GALNTL6: variants seen among roughly 807,000 people sequenced by gnomAD.
GALNTL6 encodes the protein polypeptide N-acetylgalactosaminyltransferase like 6.
GALNTL6 carries 46 observed loss-of-function variants against 73.7 expected under a neutral mutation model. That is an observed-to-expected ratio of 0.62 (90% CI 0.49 to 0.80). GALNTL6 has a LOEUF of 0.80. Among genes scored for constraint, GALNTL6 ranks in the 30% least tolerant of loss-of-function variants. The pLI is 0.00. For synonymous variants in GALNTL6, 259 were observed against 263.7 expected, an observed-to-expected ratio of 0.98 and a Z score of 0.17; for missense variants, 604 against 755.0, an observed-to-expected ratio of 0.80 and a Z score of 2.34.
intron 5 of GALNTL6, among the ~76,000 whole-genome samples, chr4:172,463,320 C>T (rs1174555402): frequency 1.3e-5 from 2 of 149,266 alleles, no homozygotes; most frequent in African/African-American, 2.5e-5. Context: ...TCAACATTCT[C>T]AGAAAATGAG....
chr4:172,398,035 T>C (rs551066399), intron 5 of GALNTL6, among the ~76,000 whole-genome samples: 2 of 152,300 alleles, frequency 1.3e-5, no homozygotes, highest in South Asian at 4.1e-4. Context: ...ATGCCAACCA[T>C]CAGGCAATTG....
intron 2 of GALNTL6, among the ~76,000 whole-genome samples, chr4:171,995,567 A>T (rs1161296993): frequency 6.6e-6 from 1 of 152,086 alleles, no homozygotes; most frequent in Non-Finnish European, 1.5e-5. Flanking sequence ...AAACCAGTGA[A>T]AAAAGAGTAT....
chr4:172,434,251 A>G (rs1289807761), intron 5 of GALNTL6, among the ~76,000 whole-genome samples: 1 of 152,066 alleles, frequency 6.6e-6, no homozygotes, highest in African/African-American at 2.4e-5. Flanking sequence ...TACAAGACAT[A>G]TTTGGATATT....
chr4:172,069,462 A>G lies in GALNTL6; in HGVS notation c.139-160194A>G, dbSNP rs567960192. ...CATATATATGTAATATATAACACAC[A>G]TATAACATATATGTTATATATAACA... On this transcript the variant is annotated intron_variant, in intron 2 of 12. Coordinates refer to ENST00000506823, the MANE Select transcript of GALNTL6 (RefSeq NM_001034845.3). Among the ~76,000 whole-genome samples the G allele has an allele frequency of 7.6e-4, 47 of 62,104 alleles. 18 individuals carry two copies. Among genetic ancestry groups the G allele is most frequent in the Non-Finnish European group, 1.7e-3 (45 of 26,912 alleles). 40.7% of individuals were successfully genotyped at this position (62,104 alleles called of 152,430 possible). A position where few individuals can be genotyped will look rare whatever the true frequency, so the allele number is the denominator to read the frequency against.
intron 2 of GALNTL6, among the ~76,000 whole-genome samples, chr4:172,098,176 C>A (rs1007479696): frequency 2.6e-5 from 4 of 151,952 alleles, no homozygotes; most frequent in African/African-American, 4.8e-5. Context: ...ATGTCTCTCT[C>A]TATATATAAG....
chr4:172,477,962 T>C (rs865980923), intron 5 of GALNTL6, among the ~76,000 whole-genome samples: 18 of 152,182 alleles, frequency 1.2e-4, no homozygotes, highest in African/African-American at 4.3e-4. Context: ...TTGTTCTGGC[T>C]TTAGATATCA....
intron 2 of GALNTL6, among the ~76,000 whole-genome samples, chr4:172,000,778 A>G (rs141699964): frequency 7.2e-5 from 11 of 152,268 alleles, no homozygotes; most frequent in Admixed American, 4.6e-4. Flanking sequence ...GATCCAGACT[A>G]TTGGAGGAGC....
chr4:172,313,953 G>C (rs1578945287), intron 4 of GALNTL6, among the ~76,000 whole-genome samples: 2 of 152,322 alleles, frequency 1.3e-5, no homozygotes, highest in South Asian at 4.1e-4. Context: ...TGTCACCTCT[G>C]ATTTTGCCAT....
intron 3 of GALNTL6, among the ~76,000 whole-genome samples, chr4:172,308,324 C>T (rs1449269723): frequency 6.6e-6 from 1 of 151,796 alleles, no homozygotes; most frequent in East Asian, 2.0e-4. Flanking sequence ...TTATTTCTTT[C>T]TGTTGTCTGA....
chr4:172,945,000 G>A (rs1383906997), intron 9 of GALNTL6, among the ~76,000 whole-genome samples: 1 of 150,816 alleles, frequency 6.6e-6, no homozygotes, highest in African/African-American at 2.4e-5. Context: ...GGAGGTTGCA[G>A]TGAGCCAAGA....
At chr4:172,251,410 C>T (rs890014044) in intron 3 of GALNTL6, among the ~76,000 whole-genome samples, 2 of 152,068 alleles carry the variant, frequency 1.3e-5, no homozygotes, top group Admixed American at 6.6e-5. Flanking sequence ...TTTTAGCACT[C>T]GGGTTCAGCC....
chr4:172,044,614 C>A (rs1468752868), intron 2 of GALNTL6, among the ~76,000 whole-genome samples: 1 of 151,840 alleles, frequency 6.6e-6, no homozygotes, highest in Non-Finnish European at 1.5e-5. Flanking sequence ...CTAATATATG[C>A]CTGTAAATGC....
chr4:172,890,135 TTCTC>T (rs1745951134), intron 8 of GALNTL6, among the ~76,000 whole-genome samples: 2 of 152,286 alleles, frequency 1.3e-5, no homozygotes, highest in East Asian at 3.9e-4. Flanking sequence ...TACTTGGATC[TTCTC>T]TCTTTTTTTC....
chr4:173,036,776 C>T (rs1035539349), intron 12 of GALNTL6, among the ~76,000 whole-genome samples: 13 of 152,120 alleles, frequency 8.5e-5, no homozygotes, highest in Admixed American at 4.6e-4. Context: ...CATCTTCTAT[C>T]GTCCTTTAGG....
chr4:172,869,460 T>G (rs972774445), intron 7 of GALNTL6, among the ~76,000 whole-genome samples: 1 of 152,170 alleles, frequency 6.6e-6, no homozygotes, highest in African/African-American at 2.4e-5. Flanking sequence ...AAGAAGGGCA[T>G]GACCTGATTC....
intron 5 of GALNTL6, among the ~76,000 whole-genome samples, chr4:172,452,480 C>T (rs964705742): frequency 6.6e-6 from 1 of 152,050 alleles, no homozygotes. Context: ...GATGTAAAGT[C>T]TGTACTATAT....
intron 2 of GALNTL6, among the ~76,000 whole-genome samples, chr4:172,004,103 C>A (rs1327324723): frequency 6.6e-6 from 1 of 152,116 alleles, no homozygotes; most frequent in Non-Finnish European, 1.5e-5. Context: ...AAGTGGACAA[C>A]TTTCAAGCTC....
chr4:172,673,749 T>A (rs1191556667), intron 5 of GALNTL6, among the ~76,000 whole-genome samples: 1 of 152,232 alleles, frequency 6.6e-6, no homozygotes, highest in Non-Finnish European at 1.5e-5. Context: ...CTTCTTTGAC[T>A]GTTTTGGTTT....
chr4:172,293,348 A>T lies in GALNTL6; in HGVS notation c.248-18266A>T, dbSNP rs145818800. Among the ~76,000 whole-genome samples, 3 of 152,272 alleles carry T rather than the reference A, an allele frequency of 2.0e-5. No individual in the cohort carries two copies. The East Asian group carries it at 5.8e-4, about 29-fold the overall frequency. On this transcript the variant is annotated intron_variant, in intron 3 of 12. Coordinates refer to ENST00000506823, the MANE Select transcript of GALNTL6 (RefSeq NM_001034845.3). ...TACATAATAAATGGCATATGTTCTTATAAGGCATTTGTGGTCACTCATGAT... is the reference window on the plus strand; with the variant it reads ...TACATAATAAATGGCATATGTTCTTTTAAGGCATTTGTGGTCACTCATGAT...
Sources: allele counts gnomAD v4.1 joint callset (sites outside exome capture counted in the v4.1 genomes callset), GRCh38; gene constraint gnomAD v4.1.1; transcripts MANE v1.5; gene names NCBI Gene and HGNC (gene_info 2026-07-23, HGNC 2026-07-21).